Variants in THSD7A observed in about 807,000 individuals in gnomAD.
The protein encoded by THSD7A is thrombospondin type 1 domain containing 7A, also known as thrombospondin type-1 domain-containing protein 7A.
THSD7A carries 96 observed loss-of-function variants against 231.3 expected under a neutral mutation model. The ratio of observed to expected loss-of-function variants is 0.41; its 90% confidence interval spans 0.35 to 0.49. The LOEUF (loss-of-function observed/expected upper bound fraction) is 0.49, where lower values mean the gene tolerates loss of function less well. THSD7A is among the 20% of genes least tolerant of loss of function. The pLI, the probability that THSD7A is intolerant of heterozygous loss-of-function variation, is 0.05. For missense variants in THSD7A, 2,290 were observed against 2,070.2 expected (o/e 1.11, Z -2.06); for synonymous variants, 940 against 743.3 (o/e 1.26, Z -4.30).
chr7:11,777,106 T>A (rs563808982), intron 1 of THSD7A, among the ~76,000 whole-genome samples: 1 of 152,260 alleles, frequency 6.6e-6, no homozygotes, highest in African/African-American at 2.4e-5. Context: ...CCAGAGATAA[T>A]GTGCGAGCGA....
At chr7:11,735,821 A>G (rs1003388185) in intron 1 of THSD7A, among the ~76,000 whole-genome samples, 1 of 151,986 alleles carries the variant, frequency 6.6e-6, no homozygotes, top group African/African-American at 2.4e-5. Context: ...GGAATGCTTT[A>G]TTATAATATA....
At chr7:11,567,662 G>T (rs1257528540) in intron 4 of THSD7A, among the ~76,000 whole-genome samples, 1 of 152,142 alleles carries the variant, frequency 6.6e-6, no homozygotes, top group African/African-American at 2.4e-5. Context: ...CTGTTTTCAG[G>T]TAAGGCCTGA....
intron 1 of THSD7A, among the ~76,000 whole-genome samples, chr7:11,683,120 C>CAAAAAAA (rs71027424): frequency 1.0e-5 from 1 of 99,622 alleles, no homozygotes. Context: ...GACTCCATCT[C>CAAAAAAA]AAAAAAAAAA....
At chr7:11,728,602 T>TA (rs1346773238) in intron 1 of THSD7A, among the ~76,000 whole-genome samples, 1 of 151,904 alleles carries the variant, frequency 6.6e-6, no homozygotes, top group Admixed American at 6.6e-5. Flanking sequence ...GAGAAATTGA[T>TA]AAAAAATTAA....
chr7:11,735,487 G>A (rs1185806256), intron 1 of THSD7A, among the ~76,000 whole-genome samples: 1 of 151,966 alleles, frequency 6.6e-6, no homozygotes, highest in African/African-American at 2.4e-5. Context: ...GGCTATGTGT[G>A]TAAGGTGTAT....
At chr7:11,551,670 G>A (rs888908505) in intron 4 of THSD7A, among the ~76,000 whole-genome samples, 6 of 151,984 alleles carry the variant, frequency 3.9e-5, no homozygotes, top group Admixed American at 1.3e-4. Flanking sequence ...AGTCAGAATG[G>A]CTACTATTAA....
chr7:11,618,132 T>TATAA (rs1372971916), intron 2 of THSD7A, among the ~76,000 whole-genome samples: 1 of 152,202 alleles, frequency 6.6e-6, no homozygotes, highest in Non-Finnish European at 1.5e-5. Context: ...GACACTTATA[T>TATAA]GTGGCTATTT....
chr7:11,461,137 G>A (rs182876383), intron 10 of THSD7A, among the ~76,000 whole-genome samples: 36 of 152,244 alleles, frequency 2.4e-4, no homozygotes, highest in African/African-American at 7.9e-4. Flanking sequence ...TTCAAGTCAT[G>A]AGTCTTTTGT....
chr7:11,404,459 C>T (rs1181765524), intron 22 of THSD7A, among the ~76,000 whole-genome samples: 1 of 152,202 alleles, frequency 6.6e-6, no homozygotes, highest in Non-Finnish European at 1.5e-5. Flanking sequence ...GTAGGCCTTA[C>T]AACTTTTAGC....
intron 1 of THSD7A, among the ~76,000 whole-genome samples, chr7:11,691,837 C>T (rs1189127443): frequency 1.3e-5 from 2 of 151,194 alleles, no homozygotes; most frequent in African/African-American, 2.4e-5. Context: ...TATGTTTCTC[C>T]TATCATAGGA....
intron 6 of THSD7A, among the ~76,000 whole-genome samples, chr7:11,501,287 G>A (rs1787327353): frequency 2.0e-5 from 3 of 152,280 alleles, no homozygotes; most frequent in Admixed American, 6.5e-5. Context: ...GGACCTGATA[G>A]ACTATACAGA....
chr7:11,648,198 C>T (rs929140144), intron 1 of THSD7A, among the ~76,000 whole-genome samples: 1 of 152,016 alleles, frequency 6.6e-6, no homozygotes, highest in African/African-American at 2.4e-5. Flanking sequence ...AGCTCTGTCC[C>T]GTGGGAGGAT....
At chr7:11,617,140 G>A (rs1227501052) in intron 2 of THSD7A, among the ~76,000 whole-genome samples, 1 of 152,064 alleles carries the variant, frequency 6.6e-6, no homozygotes, top group African/African-American at 2.4e-5. Context: ...TTATTTGGTT[G>A]GTCCATAGTA....
intron 1 of THSD7A, among the ~76,000 whole-genome samples, chr7:11,676,787 G>A (rs1315943458): frequency 1.3e-5 from 2 of 152,110 alleles, no homozygotes; most frequent in Non-Finnish European, 2.9e-5. Flanking sequence ...CCAAACCTAA[G>A]TTTGATTGGT....
At chr7:11,508,370 T>C (rs1228649064) in intron 6 of THSD7A, among the ~76,000 whole-genome samples, 3 of 151,978 alleles carry the variant, frequency 2.0e-5, no homozygotes, top group East Asian at 1.9e-4. Flanking sequence ...CACAATGAGA[T>C]ACCACTTCAT....
chr7:11,599,397 C>T lies in THSD7A; in HGVS notation c.1023-5895G>A, dbSNP rs566629490. Among the ~76,000 whole-genome samples, 117 of 152,252 alleles carry T rather than the reference C, an allele frequency of 7.7e-4. 1 individual carries two copies. The highest frequency in any genetic ancestry group is 2.7e-3 in the African/African-American group (111 of 41,546). Reference sequence around the variant, plus strand: ...TCAATACCAGCTACGACCACGTGGCCAGCTGCAGAAAAGAAGACCGTAATT... The same window carrying T: ...TCAATACCAGCTACGACCACGTGGCTAGCTGCAGAAAAGAAGACCGTAATT... On this transcript the variant is annotated intron_variant, in intron 2 of 27. Coordinates refer to ENST00000423059, the MANE Select transcript of THSD7A (RefSeq NM_015204.3).
In THSD7A at chr7:11,474,576, C is replaced by A; in HGVS notation, c.2018-8G>T. On this transcript the variant is annotated splice_region_variant and splice_polypyrimidine_tract_variant and intron_variant, in intron 7 of 27. Coordinates refer to ENST00000423059, the MANE Select transcript of THSD7A (RefSeq NM_015204.3). The surrounding 1 kb of genome is among the most constrained non-coding windows in gnomAD (Gnocchi z 4.1). ...TTGGACAGCGAATTCCACCTAAAAA[C>A]ATGGACAATGATAGCAAATTAGATA... The A allele has an allele frequency of 1.3e-6, 2 of 1,582,726 alleles. No homozygotes were observed. The highest frequency in any genetic ancestry group is 1.1e-5 in the South Asian group (1 of 88,748).
intron 6 of THSD7A, among the ~76,000 whole-genome samples, chr7:11,511,946 A>G (rs1787826924): frequency 6.6e-6 from 1 of 152,220 alleles, no homozygotes; most frequent in Non-Finnish European, 1.5e-5. Context: ...GATCTAATTA[A>G]ACTAAAGAGC....
At chr7:11,710,654 T>C (rs1202442101) in intron 1 of THSD7A, among the ~76,000 whole-genome samples, 1 of 150,842 alleles carries the variant, frequency 6.6e-6, no homozygotes, top group Non-Finnish European at 1.5e-5. Context: ...CGGGAAAGCA[T>C]GATTGATTGA....
Sources: allele counts gnomAD v4.1 joint callset (sites outside exome capture counted in the v4.1 genomes callset), GRCh38; gene constraint gnomAD v4.1.1; non-coding constraint Gnocchi (gnomAD v3.1); transcripts MANE v1.5; gene names NCBI Gene and HGNC (gene_info 2026-07-23, HGNC 2026-07-21).